The following CLIC5 variants were observed in gnomAD, a reference collection of about 807,000 sequenced individuals.
CLIC5 encodes the protein chloride intracellular channel protein 5.
CLIC5 carries 20 observed loss-of-function variants against 24.7 expected under a neutral mutation model. The ratio of observed to expected loss-of-function variants is 0.81; its 90% confidence interval spans 0.57 to 1.18. The LOEUF (loss-of-function observed/expected upper bound fraction) is 1.18. CLIC5 is among the 50% of genes most tolerant of loss of function. CLIC5 has a pLI of 0.00. For missense variants in CLIC5, 341 were observed against 326.1 expected, an observed-to-expected ratio of 1.05 and a Z score of -0.35; for synonymous variants, 159 against 135.6, an observed-to-expected ratio of 1.17 and a Z score of -1.20.
chr6:45,914,659 T>G, intron 4 of CLIC5: 1 of 570,978 alleles, frequency 1.8e-6, no homozygotes, highest in Non-Finnish European at 2.3e-6. Context: ...AATACATAAA[T>G]ATAGAAACAC....
chr6:45,905,005 C>T (rs182569880), intron 5 of CLIC5, among the ~76,000 whole-genome samples: 410 of 152,104 alleles, frequency 2.7e-3, no homozygotes, highest in African/African-American at 9.1e-3. Flanking sequence ...CATTAGTTTG[C>T]TTAGGATAAT....
At chr6:46,041,266 T>C (rs1767799916) in intron 1 of CLIC5, among the ~76,000 whole-genome samples, 1 of 152,244 alleles carries the variant, frequency 6.6e-6, no homozygotes. Flanking sequence ...GCTTTTTCTT[T>C]ATATTTCCAA....
chr6:45,968,941 T>TGTGTGTGTGGCACAAAG (rs1476387378), intron 1 of CLIC5, among the ~76,000 whole-genome samples: 7 of 152,202 alleles, frequency 4.6e-5, no homozygotes, highest in African/African-American at 1.7e-4. Flanking sequence ...TTGTGTGACC[T>TGTGTGTGTGGCACAAAG]AGGGCAAGTA....
chr6:45,986,067 T>C (rs1012627735), intron 1 of CLIC5, among the ~76,000 whole-genome samples: 5 of 152,220 alleles, frequency 3.3e-5, no homozygotes, highest in African/African-American at 1.2e-4. Flanking sequence ...ACCATGCTCC[T>C]CATTCACCTT....
intron 4 of CLIC5, among the ~76,000 whole-genome samples, chr6:45,917,755 A>G (rs191778287): frequency 3.4e-4 from 52 of 152,324 alleles, no homozygotes; most frequent in African/African-American, 1.2e-3. Context: ...TCTGCCATCC[A>G]TAGAATTTAA....
At chr6:46,054,157 C>T (rs536669060) in intron 1 of CLIC5, among the ~76,000 whole-genome samples, 5 of 152,186 alleles carry the variant, frequency 3.3e-5, no homozygotes, top group South Asian at 4.1e-4. Flanking sequence ...GCCAGTCAAA[C>T]GAGGGACCGA....
chr6:45,943,059 C>T (rs1764185492), intron 3 of CLIC5, among the ~76,000 whole-genome samples: 1 of 152,236 alleles, frequency 6.6e-6, no homozygotes, highest in South Asian at 2.1e-4. Context: ...GTTCTATTCC[C>T]TTTACACGTA....
At chr6:46,022,699 A>T (rs1194209463) in intron 1 of CLIC5, among the ~76,000 whole-genome samples, 4 of 152,210 alleles carry the variant, frequency 2.6e-5, no homozygotes, top group Admixed American at 6.5e-5. Context: ...CCTGGGAGTG[A>T]GCTGGACTGA....
intron 1 of CLIC5, among the ~76,000 whole-genome samples, chr6:45,997,155 C>T (rs1032915012): frequency 1.3e-5 from 2 of 150,330 alleles, no homozygotes; most frequent in African/African-American, 4.9e-5. Flanking sequence ...ACATATACAC[C>T]ATGGAATACT....
chr6:45,960,081 C>T (rs2127392562), intron 1 of CLIC5, among the ~76,000 whole-genome samples: 1 of 152,234 alleles, frequency 6.6e-6, no homozygotes, highest in East Asian at 1.9e-4. Context: ...CCTCTTAAAA[C>T]CCCTGAAAGC....
upstream of CLIC5, among the ~76,000 whole-genome samples, chr6:46,020,206 A>G (rs1236587717): frequency 6.6e-6 from 1 of 152,218 alleles, no homozygotes; most frequent in South Asian, 2.1e-4. Flanking sequence ...TTACGTTAAA[A>G]TAATGAAATT....
intron 1 of CLIC5, among the ~76,000 whole-genome samples, chr6:46,048,968 G>A (rs1768032012): frequency 6.6e-6 from 1 of 152,152 alleles, no homozygotes; most frequent in African/African-American, 2.4e-5. Flanking sequence ...GAATTTAAAA[G>A]CCAGAGTGGT....
chr6:45,922,749 T>C (rs1343014637), intron 4 of CLIC5, among the ~76,000 whole-genome samples: 2 of 152,130 alleles, frequency 1.3e-5, no homozygotes, highest in African/African-American at 4.8e-5. Flanking sequence ...TCCTTTTGTG[T>C]ACTCATCTGT....
upstream of CLIC5, among the ~76,000 whole-genome samples, chr6:46,083,070 C>T (rs377630265): frequency 1.5e-4 from 23 of 152,298 alleles, no homozygotes; most frequent in South Asian, 6.2e-4. Context: ...TTACGTTTCA[C>T]GAGAACAAGG....
In CLIC5 at chr6:46,015,829, C is replaced by T. The variant is rs116332814; in HGVS notation, c.-287G>A. On this transcript the variant is annotated 5_prime_UTR_variant, in exon 1 of 6. Coordinates refer to ENST00000339561, the MANE Select transcript of CLIC5 (RefSeq NM_016929.5). ...GTGGGAGCAACAAGTGCCGGGCTGC[C>T]CGGAGGTGTCACAGGATCCGCGACT... is the stretch of plus-strand genomic sequence containing the variant. The T allele has an allele frequency of 6.1e-6, 7 of 1,151,182 alleles. No individual in the cohort carries two copies. The highest frequency in any genetic ancestry group is 1.1e-6 in the Non-Finnish European group (1 of 935,904). The allele number at this position is 1,151,182 out of a possible 1,614,324, so 71.3% of individuals were successfully genotyped here.
intron 1 of CLIC5, among the ~76,000 whole-genome samples, chr6:45,965,091 G>C (rs768148265): frequency 6.6e-6 from 1 of 152,144 alleles, no homozygotes; most frequent in Admixed American, 6.5e-5. Flanking sequence ...AGTACCTAGC[G>C]TTCAGGGTTT....
At chr6:45,967,559 G>C (rs1765056963) in intron 1 of CLIC5, among the ~76,000 whole-genome samples, 1 of 152,170 alleles carries the variant, frequency 6.6e-6, no homozygotes, top group Non-Finnish European at 1.5e-5. Flanking sequence ...GCACATGCCT[G>C]GAGGCTGGAT....
chr6:46,079,932 C>T (rs1231742139), exon 1 of CLIC5: 3 of 1,551,716 alleles, frequency 1.9e-6, no homozygotes, highest in East Asian at 2.4e-5. Context: ...CATTGAGATG[C>T]CCCTGTCCTC....
chr6:46,015,480 C>T lies in CLIC5; in HGVS notation c.63G>A (p.Lys21=), dbSNP rs1355939801. 3 of 1,543,144 alleles carry T rather than the reference C, an allele frequency of 1.9e-6. No homozygotes were observed. The highest frequency in any genetic ancestry group is 2.6e-6 in the Non-Finnish European group (3 of 1,144,526). ...DRDPEIELFV[K]AGIDGESIGN... ...GGCGGGAGACTGGACCCCGACCTACCTTCACAAAGAGCTCGATCTCGGGGT... is the reference window on the plus strand; with the variant it reads ...GGCGGGAGACTGGACCCCGACCTACTTTCACAAAGAGCTCGATCTCGGGGT... The change falls in exon 1 of 6, where the codon AAG becomes AAA. Residue 21 remains lysine, a splice_region_variant and synonymous_variant. Coordinates refer to ENST00000339561, the MANE Select transcript of CLIC5 (RefSeq NM_016929.5).
Sources: allele counts gnomAD v4.1 joint callset (sites outside exome capture counted in the v4.1 genomes callset), GRCh38; gene constraint gnomAD v4.1.1; transcripts MANE v1.5; gene names NCBI Gene and HGNC (gene_info 2026-07-23, HGNC 2026-07-21).